The following CHEK1 variants were observed in gnomAD, a reference collection of about 807,000 sequenced individuals.
CHEK1 encodes the protein serine/threonine-protein kinase Chk1.
A neutral mutation model predicts 60.2 loss-of-function variants in CHEK1; 32 were observed. The ratio of observed to expected loss-of-function variants is 0.53; its 90% CI spans 0.40 to 0.71. The LOEUF (loss-of-function observed/expected upper bound fraction) is 0.71, where lower values mean the gene tolerates loss of function less well. CHEK1 is among the 30% of genes least tolerant of loss of function. The pLI is 0.00. For synonymous variants in CHEK1, 179 were observed against 187.2 expected (o/e 0.96, Z 0.36); for missense variants, 399 against 564.6 (o/e 0.71, Z 2.97).
chr11:125,647,421 G>A (rs1397850860), intron 11 of CHEK1, among the ~76,000 whole-genome samples: 7 of 149,736 alleles, frequency 4.7e-5, no homozygotes, highest in African/African-American at 1.7e-4. Context: ...ACCACACTAT[G>A]TTGATTACTG....
intron 8 of CHEK1, 108 bp downstream of exon 8, chr11:125,637,652 A>C: frequency 3.2e-6 from 2 of 622,906 alleles, no homozygotes; most frequent in Non-Finnish European, 5.3e-6. Flanking sequence ...CTCTGTCCTC[A>C]TGGAGATTAT....
At chr11:125,649,847 G>A (rs1941642823) in intron 11 of CHEK1, 1 of 152,150 alleles carries the variant, frequency 6.6e-6, no homozygotes, top group African/African-American at 2.4e-5. Context: ...AGTTTTGCTG[G>A]ATATAGAATT....
downstream of CHEK1, among the ~76,000 whole-genome samples, chr11:125,659,036 T>G (rs1941968018): frequency 6.6e-6 from 1 of 152,174 alleles, no homozygotes; most frequent in Non-Finnish European, 1.5e-5. Flanking sequence ...AATTGGCTTT[T>G]GTGTAGAATG....
intron 13 of CHEK1, among the ~76,000 whole-genome samples, chr11:125,665,832 T>C (rs1942087901): frequency 6.6e-6 from 1 of 151,288 alleles, no homozygotes; most frequent in Admixed American, 6.6e-5. Flanking sequence ...TTTTTCCTTT[T>C]TCATCTCTGA....
chr11:125,648,958 G>A (rs1458859130), intron 11 of CHEK1, among the ~76,000 whole-genome samples: 1 of 152,068 alleles, frequency 6.6e-6, no homozygotes, highest in African/African-American at 2.4e-5. Flanking sequence ...GGGACTACAG[G>A]TGTACACTAT....
chr11:125,667,932 AAG>A (rs1942128057), intron 13 of CHEK1, among the ~76,000 whole-genome samples: 1 of 152,126 alleles, frequency 6.6e-6, no homozygotes, highest in Admixed American at 6.5e-5. Flanking sequence ...TGATTTTTAA[AAG>A]AGTTTCCAGT....
chr11:125,667,143 C>T (rs1942114456), intron 13 of CHEK1, among the ~76,000 whole-genome samples: 1 of 152,010 alleles, frequency 6.6e-6, no homozygotes, highest in Admixed American at 6.6e-5. Context: ...TTCTTCAGTC[C>T]ATTCCCCCAT....
At chr11:125,676,148 T>C (rs2076511346) in exon 14 of CHEK1, 4 of 513,694 alleles carry the variant, frequency 7.8e-6, no homozygotes, top group Admixed American at 6.5e-5. Flanking sequence ...CCTCAAGTGA[T>C]CCACCTGCCT....
At chr11:125,667,942 A>G (rs893722804) in intron 13 of CHEK1, among the ~76,000 whole-genome samples, 5 of 152,168 alleles carry the variant, frequency 3.3e-5, no homozygotes, top group African/African-American at 1.2e-4. Flanking sequence ...AAGAGTTTCC[A>G]GTAAGTTTTA....
intron 6 of CHEK1, 30 bp from the exon 7 acceptor site, chr11:125,635,399 T>TA (rs778150890): frequency 1.1e-5 from 15 of 1,333,876 alleles, no homozygotes; most frequent in South Asian, 1.3e-5. Context: ...TAAGAACATT[T>TA]AAAAAAACTG....
chr11:125,626,229 A>T, intron 1 of CHEK1: 1 of 578,386 alleles, frequency 1.7e-6, no homozygotes. Flanking sequence ...GCTGCTAGCT[A>T]AGAACCCCAA....
Position 125,655,209 on chromosome 11 carries a change from A to G in CHEK1, c.1336-16A>G, listed in dbSNP as rs768158980. 2.5e-5 allele frequency: 40 copies of G among 1,575,112 alleles called. No individual in the cohort carries two copies. The highest frequency in any genetic ancestry group is 2.6e-6 in the Non-Finnish European group (3 of 1,154,470). The stretch of plus-strand genomic sequence containing the variant: ...TTTTGTTTTGACATAATTTTTTAAT[A>G]CTATTTCTAATATAGGGTGATGGAT... On this transcript the variant is annotated splice_polypyrimidine_tract_variant and intron_variant, in intron 12 of 12. Coordinates refer to ENST00000438015, the MANE Select transcript of CHEK1 (RefSeq NM_001114122.3).
intron 13 of CHEK1, among the ~76,000 whole-genome samples, chr11:125,670,594 C>A (rs1591431946): frequency 1.3e-5 from 2 of 152,068 alleles, no homozygotes; most frequent in African/African-American, 2.4e-5. Flanking sequence ...AGTGACCAGA[C>A]AATAATTTGG....
rs1266930698 is a variant in CHEK1 at position 125,627,710 on chromosome 11, T to G, written c.169T>G (p.Cys57Gly). 6.2e-7 allele frequency: 1 copy of G among 1,613,774 alleles called. No homozygotes were observed. ...TCCAGAAAATATTAAGAAAGAGATC[T>G]GTATCAATAAAATGCTAAATCATGA... Reference protein sequence around the residue: ...DCPENIKKEICINKMLNHENV... With the variant: ...DCPENIKKEIGINKMLNHENV... Residue 57 changes from cysteine (C) to glycine (G), a missense_variant, in exon 3 of 13, where the codon TGT becomes GGT. Coordinates refer to ENST00000438015, the MANE Select transcript of CHEK1 (RefSeq NM_001114122.3).
At chr11:125,659,946 A>G (rs1276569134), downstream of CHEK1, among the ~76,000 whole-genome samples, 1 of 152,238 alleles carries the variant, frequency 6.6e-6, no homozygotes, top group Non-Finnish European at 1.5e-5. Flanking sequence ...GACATTTCAT[A>G]TAAATAGAAT....
chr11:125,670,202 A>C (rs964625819), intron 13 of CHEK1, among the ~76,000 whole-genome samples: 1 of 152,186 alleles, frequency 6.6e-6, no homozygotes, highest in African/African-American at 2.4e-5. Flanking sequence ...TTATAGTTTC[A>C]GTATCTGTGT....
At position 125,625,855 on chromosome 11, in the gene CHEK1, T is replaced by A. The variant is rs1345632360; in HGVS notation, c.-178T>A. On this transcript the variant is annotated 5_prime_UTR_variant, in exon 1 of 13. Transcript: ENST00000438015. ...AGCGGCAACATCTCCACGTCACCCT[T>A]TTGGAGCCGCCGACATTCAGAGGGG... The A allele has an allele frequency of 1.4e-6, 1 of 702,606 alleles. No homozygotes were observed. The highest frequency in any genetic ancestry group is 2.6e-6 in the Non-Finnish European group (1 of 385,000). The allele number at this position is 702,606 out of a possible 1,614,324, so 43.5% of individuals were successfully genotyped here. A position where few individuals can be genotyped will look rare whatever the true frequency, so the allele number is the denominator to read the frequency against.
Position 125,653,953 on chromosome 11 carries a change from C to A in CHEK1, c.1335+106C>A, listed in dbSNP as rs1941818866. 1 of 592,286 alleles carries A rather than the reference C, an allele frequency of 1.7e-6. No individual in the cohort carries two copies. Among genetic ancestry groups the A allele is most frequent in the Non-Finnish European group, 2.9e-6 (1 of 347,200 alleles). 36.7% of individuals were successfully genotyped at this position (592,286 alleles called of 1,614,324 possible). A position where few individuals can be genotyped will look rare whatever the true frequency, so the allele number is the denominator to read the frequency against. On this transcript the variant is annotated intron_variant, in intron 12 of 12. Transcript: ENST00000438015. The surrounding 1 kb of genome is among the most constrained non-coding windows in gnomAD (Gnocchi z 4.3). Reference sequence around the variant, plus strand: ...GTGGCATTTGTAAATAGGTTACTTGCTTTTTTCGTTTAATATTATGAGCAT... The same window carrying A: ...GTGGCATTTGTAAATAGGTTACTTGATTTTTTCGTTTAATATTATGAGCAT...
At chr11:125,626,588 A>G (rs1168421008) in intron 1 of CHEK1, 161 bp from the exon 2 acceptor site, 2 of 644,340 alleles carry the variant, frequency 3.1e-6, no homozygotes, top group Non-Finnish European at 5.5e-6. Flanking sequence ...CAGGTTTAGA[A>G]TAGTTGTTCG....
Sources: gnomAD v4.1 joint callset for allele counts (sites outside exome capture counted in the v4.1 genomes callset) on GRCh38, gnomAD v4.1.1 for gene constraint, Gnocchi (gnomAD v3.1) non-coding constraint, MANE v1.5 for transcripts, NCBI Gene and HGNC (gene_info 2026-07-23, HGNC 2026-07-21) for gene names.